The following XIRP2 variants were observed in gnomAD, a reference collection of about 807,000 sequenced individuals.
XIRP2 encodes the protein xin actin-binding repeat-containing protein 2.
In XIRP2, 236 loss-of-function variants were observed where a neutral mutation model predicts 277.0. The ratio of observed to expected loss-of-function variants is 0.85; its 90% CI spans 0.77 to 0.95. XIRP2 has a LOEUF of 0.95. Among genes scored for constraint, XIRP2 ranks in the 40% least tolerant of loss-of-function variants. The probability of loss-of-function intolerance (pLI) is 0.00; values close to 1 mark genes in which losing one functional copy is unlikely to be tolerated. For missense variants in XIRP2, 4,640 were observed against 4,157.5 expected (o/e 1.12, Z -3.19); for synonymous variants, 1,490 against 1,416.5 (o/e 1.05, Z -1.17).
At chr2:167,185,622 A>G (rs6751777) in intron 3 of XIRP2, among the ~76,000 whole-genome samples, 1 of 152,046 alleles carries the variant, frequency 6.6e-6, no homozygotes, top group Non-Finnish European at 1.5e-5. Flanking sequence ...CACCATAAGC[A>G]TCATTAGCAA....
chr2:167,086,978 G>C (rs1689968413), intron 2 of XIRP2, among the ~76,000 whole-genome samples: 1 of 152,022 alleles, frequency 6.6e-6, no homozygotes, highest in Non-Finnish European at 1.5e-5. Flanking sequence ...TTGTTCCGTT[G>C]CTGGTGAGGA....
At chr2:167,253,270 T>C (rs1284059505) in intron 9 of XIRP2, among the ~76,000 whole-genome samples, 1 of 151,940 alleles carries the variant, frequency 6.6e-6, no homozygotes, top group Non-Finnish European at 1.5e-5. Flanking sequence ...CTATTATTCA[T>C]AGAGGCTAAC....
rs369822607 is a variant in XIRP2, at chr2:167,246,334, C to T, written c.4942C>T (p.His1648Tyr). Residue 1648 changes from histidine to tyrosine, a missense_variant, in exon 9 of 11, where the codon CAT becomes TAT. Transcript: ENST00000409195. The part of the protein sequence containing the change: ...TQLLNRSTEF[H>Y]AEKEEIVKGD... ...ATTATTAAACAGATCAACTGAATTT[C>T]ATGCTGAAAAAGAAGAGATAGTGAA... The T allele has an allele frequency of 1.6e-5, 26 of 1,612,366 alleles. No homozygotes were observed. Among genetic ancestry groups the T allele is most frequent in the Non-Finnish European group, 2.0e-5 (24 of 1,179,516 alleles).
intron 2 of XIRP2, among the ~76,000 whole-genome samples, chr2:166,976,368 A>G (rs1346525239): frequency 1.3e-5 from 2 of 152,136 alleles, no homozygotes; most frequent in Admixed American, 1.3e-4. Context: ...AATGTGTTCT[A>G]TCTGTCTTGT....
At chr2:166,922,174 A>G (rs145081355) in intron 2 of XIRP2, among the ~76,000 whole-genome samples, 29 of 152,272 alleles carry the variant, frequency 1.9e-4, no homozygotes, top group African/African-American at 7.0e-4. Flanking sequence ...CGGCTTGAAT[A>G]TGCAGCTAGC....
intron 3 of XIRP2, among the ~76,000 whole-genome samples, chr2:167,140,360 T>C (rs1265923109): frequency 6.6e-6 from 1 of 152,216 alleles, no homozygotes; most frequent in East Asian, 1.9e-4. Context: ...TTAACAAAGT[T>C]AAATGAAATG....
At chr2:167,079,142 T>C (rs1689660889) in intron 2 of XIRP2, among the ~76,000 whole-genome samples, 1 of 152,224 alleles carries the variant, frequency 6.6e-6, no homozygotes, top group Non-Finnish European at 1.5e-5. Flanking sequence ...TCTAATTCTT[T>C]TTTGTGATGA....
At chr2:167,034,498 G>GA (rs1208237855) in intron 2 of XIRP2, among the ~76,000 whole-genome samples, 3 of 138,946 alleles carry the variant, frequency 2.2e-5, no homozygotes, top group Admixed American at 7.4e-5. Flanking sequence ...TGGCTGAACA[G>GA]AAAAAAAGAA....
Position 167,257,455 on chromosome 2 carries a change from C to T in XIRP2, c.*40-402C>T, listed in dbSNP as rs531950454. On this transcript the variant is annotated intron_variant, in intron 10 of 10. Transcript: ENST00000409195. ...ATAAGCAATTGTTAGGCACACCTTC[C>T]AGCTCGTTCAAAATCCAGTTAACAA... Among the ~76,000 whole-genome samples, 5 of 152,034 alleles carry T rather than the reference C, an allele frequency of 3.3e-5. No homozygotes were observed. In the South Asian group the frequency reaches 8.3e-4, roughly 25 times the overall value.
chr2:167,125,454 T>C (rs1691174217), intron 2 of XIRP2, among the ~76,000 whole-genome samples: 1 of 152,174 alleles, frequency 6.6e-6, no homozygotes, highest in African/African-American at 2.4e-5. Context: ...CAGACTGAAA[T>C]AGTCCACCAC....
intron 2 of XIRP2, among the ~76,000 whole-genome samples, chr2:167,105,988 T>C (rs1215420071): frequency 6.6e-6 from 1 of 151,418 alleles, no homozygotes; most frequent in Non-Finnish European, 1.5e-5. Context: ...TTGCCCACTT[T>C]CTGCTTGGAT....
At chr2:167,181,974 G>A (rs185517166) in intron 3 of XIRP2, among the ~76,000 whole-genome samples, 2 of 152,036 alleles carry the variant, frequency 1.3e-5, no homozygotes, top group Admixed American at 1.3e-4. Flanking sequence ...AAAGCCCCCT[G>A]GCTTGCATGA....
intron 2 of XIRP2, among the ~76,000 whole-genome samples, chr2:167,007,218 T>C (rs1414293218): frequency 6.6e-6 from 1 of 151,686 alleles, no homozygotes; most frequent in Non-Finnish European, 1.5e-5. Context: ...GCCTGGGTCA[T>C]ATTTTTCTAC....
chr2:167,082,196 T>C (rs1465598155), intron 2 of XIRP2, among the ~76,000 whole-genome samples: 1 of 151,762 alleles, frequency 6.6e-6, no homozygotes, highest in East Asian at 1.9e-4. Flanking sequence ...ATATGCGGTG[T>C]TTGGTTTTTT....
At position 167,247,857 on chromosome 2, in the gene XIRP2, T is replaced by C. The variant is rs1223722404; in HGVS notation, c.6465T>C (p.Asp2155=). Residue 2155 remains aspartate (D), a synonymous_variant, in exon 9 of 11, where the codon GAT becomes GAC. Coordinates refer to ENST00000409195, the MANE Select transcript of XIRP2 (RefSeq NM_152381.6). ...KKTKNIKILT[D]TQSSKPSPTQ... ...CCAAAAATATTAAAATATTAACTGA[T>C]ACACAAAGCTCCAAGCCCAGTCCCA... 2.5e-6 allele frequency: 4 copies of C among 1,613,476 alleles called. No homozygotes were observed. In the Admixed American group the frequency reaches 6.7e-5, roughly 27 times the overall value.
At chr2:167,087,241 C>T (rs1689983719) in intron 2 of XIRP2, among the ~76,000 whole-genome samples, 1 of 152,200 alleles carries the variant, frequency 6.6e-6, no homozygotes, top group Non-Finnish European at 1.5e-5. Flanking sequence ...GGATGCCTCC[C>T]AGTTAGGCTG....
intron 2 of XIRP2, among the ~76,000 whole-genome samples, chr2:167,010,917 T>C (rs1687658396): frequency 6.6e-6 from 1 of 151,942 alleles, no homozygotes; most frequent in Non-Finnish European, 1.5e-5. Context: ...TGTACATTGA[T>C]TTTTGTATCC....
At chr2:166,956,315 G>T (rs148410730) in intron 2 of XIRP2, among the ~76,000 whole-genome samples, 177 of 151,934 alleles carry the variant, frequency 1.2e-3, no homozygotes, top group Non-Finnish European at 1.6e-3. Context: ...CACTTAATGA[G>T]ATAACTCATT....
chr2:167,136,576 T>C (rs868150160), intron 3 of XIRP2, among the ~76,000 whole-genome samples: 1 of 152,340 alleles, frequency 6.6e-6, no homozygotes, highest in South Asian at 2.1e-4. Flanking sequence ...TAAATTTGAT[T>C]AATGCTTCAC....
Sources: gnomAD v4.1 joint callset for allele counts (sites outside exome capture counted in the v4.1 genomes callset) on GRCh38, gnomAD v4.1.1 for gene constraint, MANE v1.5 for transcripts, NCBI Gene and HGNC (gene_info 2026-07-23, HGNC 2026-07-21) for gene names.